ATP11C: variants seen among roughly 807,000 people sequenced by gnomAD.
ATP11C encodes the protein phospholipid-transporting ATPase IG.
Under a neutral mutation model 97.4 loss-of-function variants are expected in ATP11C, and 36 were observed. That is an observed-to-expected ratio of 0.37 (90% CI 0.28 to 0.49). The LOEUF is 0.49. ATP11C is among the 20% of genes least tolerant of loss of function. ATP11C has a pLI of 0.98. For synonymous variants in ATP11C, 275 were observed against 290.9 expected (o/e 0.95, Z 0.56); for missense variants, 730 against 824.6 (o/e 0.89, Z 1.40).
At chrX:139,858,084 C>T (rs1450647447) in intron 1 of ATP11C, among the ~76,000 whole-genome samples, 1 of 112,940 alleles carries the variant, frequency 8.9e-6, no homozygotes, top group Non-Finnish European at 1.9e-5. Context: ...CTCAAACTTT[C>T]TTGCCCTTCC....
intron 1 of ATP11C, among the ~76,000 whole-genome samples, chrX:139,850,760 C>CA (rs1302265424): frequency 9.1e-6 from 1 of 109,757 alleles, no homozygotes; most frequent in African/African-American, 3.3e-5. Context: ...AAAATACAAA[C>CA]AATTAGCCAG....
At chrX:139,777,436 C>A (rs1255355883) in intron 18 of ATP11C, among the ~76,000 whole-genome samples, 1 of 108,617 alleles carries the variant, frequency 9.2e-6, no homozygotes, top group Non-Finnish European at 1.9e-5. Context: ...AATTGCAGAG[C>A]TTGAAGAACA....
intron 19 of ATP11C, among the ~76,000 whole-genome samples, chrX:139,769,044 A>C: frequency 9.3e-6 from 1 of 107,441 alleles, no homozygotes. Context: ...CCTAACAATA[A>C]ATCTCTCAAT....
intron 12 of ATP11C, among the ~76,000 whole-genome samples, chrX:139,790,252 G>C (rs2082662619): frequency 9.1e-6 from 1 of 110,434 alleles, no homozygotes; most frequent in Non-Finnish European, 1.9e-5. Context: ...TAATTATTCT[G>C]TAATTTTTGT....
At chrX:139,872,964 C>A (rs994487898) in intron 1 of ATP11C, among the ~76,000 whole-genome samples, 4 of 112,298 alleles carry the variant, frequency 3.6e-5, no homozygotes, top group African/African-American at 1.3e-4. Context: ...CCTTTCAGTG[C>A]AGCTTTCTTA....
chrX:139,880,486 T>TGAG (rs747861993), intron 1 of ATP11C, among the ~76,000 whole-genome samples: 1,910 of 110,649 alleles, frequency 0.017, 23 homozygotes, highest in Middle Eastern at 0.023. Flanking sequence ...TGGGATAGAA[T>TGAG]GAGGAGGAGG....
At chrX:139,874,044 G>GTT (rs2084423043) in intron 1 of ATP11C, among the ~76,000 whole-genome samples, 10 of 91,134 alleles carry the variant, frequency 1.1e-4, no homozygotes, top group Admixed American at 8.5e-4. Flanking sequence ...AAAACAACCA[G>GTT]GTTTTTTTTT....
At chrX:139,782,859 T>C (rs2082493208) in intron 17 of ATP11C, 131 bp from the exon 18 acceptor site, 1 of 464,074 alleles carries the variant, frequency 2.2e-6, no homozygotes, top group African/African-American at 2.6e-5. Flanking sequence ...TCTGAAAAAA[T>C]GAAGAAATTA....
At chrX:139,863,509 G>A (rs2084235576) in intron 1 of ATP11C, among the ~76,000 whole-genome samples, 1 of 110,494 alleles carries the variant, frequency 9.1e-6, no homozygotes, top group South Asian at 3.9e-4. Flanking sequence ...CTCCAGCCTG[G>A]ATGACAGAGG....
intron 23 of ATP11C, among the ~76,000 whole-genome samples, chrX:139,755,935 G>T (rs1191382044): frequency 8.9e-6 from 1 of 112,345 alleles, no homozygotes; most frequent in Non-Finnish European, 1.9e-5. Flanking sequence ...TCATCGCAAA[G>T]ATGCTGAAAG....
At chrX:139,760,883 T>C (rs2082024362) in intron 22 of ATP11C, among the ~76,000 whole-genome samples, 1 of 112,302 alleles carries the variant, frequency 8.9e-6, no homozygotes, top group Non-Finnish European at 1.9e-5. Context: ...TACCAATACG[T>C]ACAAGGTTTC....
intron 24 of ATP11C, among the ~76,000 whole-genome samples, chrX:139,748,360 C>A (rs1438045962): frequency 9.1e-6 from 1 of 110,186 alleles, no homozygotes; most frequent in Non-Finnish European, 1.9e-5. Context: ...CTTGGTGGGA[C>A]GGAATGGGAG....
At chrX:139,852,274 C>T (rs1190621067) in intron 1 of ATP11C, among the ~76,000 whole-genome samples, 3 of 109,019 alleles carry the variant, frequency 2.8e-5, no homozygotes, top group Admixed American at 9.7e-5. Context: ...TATTCGAATG[C>T]TATTCCTTTA....
At chrX:139,832,414 G>T in intron 1 of ATP11C, 1 of 687,249 alleles carries the variant, frequency 1.5e-6, no homozygotes, top group Non-Finnish European at 2.0e-6. Flanking sequence ...TACTCTGGCG[G>T]CCTTAGCCCC....
chrX:139,907,487 A>G (rs752025225), intron 1 of ATP11C, among the ~76,000 whole-genome samples: 15 of 111,244 alleles, frequency 1.3e-4, no homozygotes, highest in African/African-American at 2.6e-4. Context: ...GGTGGCTCAC[A>G]CCTGTAATCC....
intron 29 of ATP11C, among the ~76,000 whole-genome samples, chrX:139,731,196 C>T (rs2081334609): frequency 8.9e-6 from 1 of 111,853 alleles, no homozygotes; most frequent in Admixed American, 9.5e-5. Flanking sequence ...AAGGTACAAA[C>T]ACATTTAGTT....
At chrX:139,814,078 G>A (rs778695943) in intron 5 of ATP11C, among the ~76,000 whole-genome samples, 5 of 110,819 alleles carry the variant, frequency 4.5e-5, no homozygotes, top group African/African-American at 1.6e-4. Context: ...CAATTTTCCT[G>A]TGAACCTAAA....
chrX:139,770,735 A>G (rs2148691943), intron 19 of ATP11C, among the ~76,000 whole-genome samples: 1 of 111,453 alleles, frequency 9.0e-6, no homozygotes, highest in South Asian at 3.8e-4. Context: ...CCCGACTCCA[A>G]ACAAATAACC....
Position 139,919,444 on chromosome X carries a change from A to AACACACACAC in ATP11C, c.27+12562_27+12571dup, listed in dbSNP as rs370999462. Among the ~76,000 whole-genome samples the AACACACACAC allele has an allele frequency of 4.6e-3, 339 of 73,944 alleles. 3 individuals are homozygous for AACACACACAC. The highest frequency in any genetic ancestry group is 0.011 in the African/African-American group (215 of 19,880). The allele number at this position is 73,944 out of a possible 115,157, so 64.2% of individuals were successfully genotyped here. A position where few individuals can be genotyped will look rare whatever the true frequency, so the allele number is the denominator to read the frequency against. ...GATCGCAGCACTGCACTCAAACTTAAACACACACACACACACACACACACA... is the reference window on the plus strand; with the variant it reads ...GATCGCAGCACTGCACTCAAACTTAAACACACACACACACACACACACACACACACACACA... On this transcript the variant is annotated intron_variant, in intron 1 of 29. Coordinates refer to ENST00000682941, the MANE Select transcript of ATP11C (RefSeq NM_001353812.2).
Sources: gnomAD v4.1 joint callset for allele counts (sites outside exome capture counted in the v4.1 genomes callset) on GRCh38, gnomAD v4.1.1 for gene constraint, MANE v1.5 for transcripts, NCBI Gene and HGNC (gene_info 2026-07-23, HGNC 2026-07-21) for gene names.